DNMT3A: variants seen among roughly 807,000 people sequenced by gnomAD.
The protein encoded by DNMT3A is DNA (cytosine-5)-methyltransferase 3A.
Under a neutral mutation model 117.6 loss-of-function variants are expected in DNMT3A, and 267 were observed. The observed-to-expected ratio is 2.27, with a 90% confidence interval of 2.05 to 2.51. The LOEUF is 2.51. DNMT3A is among the 30% of genes most tolerant of loss of function. The pLI, the probability that DNMT3A is intolerant of heterozygous loss-of-function variation, is 0.00. For missense variants in DNMT3A, 1,029 were observed against 1,260.2 expected (o/e 0.82, Z 2.78); for synonymous variants, 432 against 474.8 (o/e 0.91, Z 1.17).
Position 25,243,922 on chromosome 2 carries a change from A to ACAG in DNMT3A, c.1909_1911dup (p.Leu637dup). On this transcript the variant is annotated inframe_insertion, in exon 16 of 23. Transcript: ENST00000321117. The stretch of plus-strand genomic sequence containing the variant: ...CCTGTAGCGATTCCATCAAAGAGAG[A>ACAG]CAGCACCCGGATGGGCTTCCTCTTC... 6.4e-7 allele frequency: 1 copy of ACAG among 1,552,104 alleles called. No individual in the cohort carries two copies. Among genetic ancestry groups the ACAG allele is most frequent in the Non-Finnish European group, 8.7e-7 (1 of 1,147,112 alleles).
intron 19 of DNMT3A, among the ~76,000 whole-genome samples, chr2:25,240,009 T>C (rs1312326461): frequency 6.6e-6 from 1 of 152,188 alleles, no homozygotes; most frequent in Non-Finnish European, 1.5e-5. Context: ...CCATACAGAA[T>C]ACCCAACCCC....
intron 1 of DNMT3A, among the ~76,000 whole-genome samples, chr2:25,322,848 C>T (rs2034647704): frequency 6.6e-6 from 1 of 152,118 alleles, no homozygotes; most frequent in Non-Finnish European, 1.5e-5. Context: ...CCTCACTCCA[C>T]CAAACACGAT....
At chr2:25,325,029 G>A (rs2034731897) in intron 1 of DNMT3A, among the ~76,000 whole-genome samples, 1 of 152,030 alleles carries the variant, frequency 6.6e-6, no homozygotes, top group South Asian at 2.1e-4. Flanking sequence ...CCACCAGCAG[G>A]AGCACTTATG....
At chr2:25,260,838 A>G (rs1297118552) in intron 6 of DNMT3A, among the ~76,000 whole-genome samples, 1 of 152,150 alleles carries the variant, frequency 6.6e-6, no homozygotes, top group Non-Finnish European at 1.5e-5. Flanking sequence ...GAAGTCAGAA[A>G]GGGCTCCACA....
intron 3 of DNMT3A, among the ~76,000 whole-genome samples, chr2:25,287,733 CCG>C (rs1491245340): frequency 2.0e-5 from 3 of 151,050 alleles, no homozygotes; most frequent in African/African-American, 7.3e-5. Flanking sequence ...GAGGACACCC[CCG>C]CCCCCAACAG....
rs1425809317 is a variant in DNMT3A at position 25,257,500 on chromosome 2, G to C, written c.640-9248C>G. Among the ~76,000 whole-genome samples the C allele has an allele frequency of 6.6e-6, 1 of 152,176 alleles. No homozygotes were observed. The highest frequency in any genetic ancestry group is 1.5e-5 in the Non-Finnish European group (1 of 68,034). Reference sequence around the variant, plus strand: ...CTCTCCTGGCTTCTCTGGAGGGAGAGAAGTGGGGGTCTGGTCTTGGCTTAG... The same window carrying C: ...CTCTCCTGGCTTCTCTGGAGGGAGACAAGTGGGGGTCTGGTCTTGGCTTAG... On this transcript the variant is annotated intron_variant, in intron 6 of 22. Transcript: ENST00000321117. The surrounding 1 kb of genome is among the most constrained non-coding windows in gnomAD (Gnocchi z 4.8).
chr2:25,231,607 C>T lies in DNMT3A; in HGVS notation c.*2672G>A, dbSNP rs1468834992. ...CATTTTTTTTCCCCAATGGAAGCCC[C>T]CTGGCCAAGACAGACCTGGATGTCA... On this transcript the variant is annotated 3_prime_UTR_variant, in exon 23 of 23. Coordinates refer to ENST00000321117, the MANE Select transcript of DNMT3A (RefSeq NM_022552.5). The T allele has an allele frequency of 6.6e-6, 1 of 152,226 alleles. No individual in the cohort carries two copies. The highest frequency in any genetic ancestry group is 1.5e-5 in the Non-Finnish European group (1 of 68,064). The allele number at this position is 152,226 out of a possible 1,614,324, so 9.4% of individuals were successfully genotyped here.
At chr2:25,246,990 C>G (rs560055478) in intron 9 of DNMT3A, 61 bp downstream of exon 9, 1 of 1,573,322 alleles carries the variant, frequency 6.4e-7, no homozygotes, top group African/African-American at 1.4e-5. Context: ...ACCTGCACTC[C>G]AACTTCCAGG....
At chr2:25,338,743 C>A (rs563250401) in intron 1 of DNMT3A, among the ~76,000 whole-genome samples, 1 of 152,168 alleles carries the variant, frequency 6.6e-6, no homozygotes, top group Admixed American at 6.5e-5. Context: ...CATCTTCCCC[C>A]GAGTGCAGGC....
At chr2:25,331,295 C>A (rs772323183) in intron 1 of DNMT3A, among the ~76,000 whole-genome samples, 3 of 152,246 alleles carry the variant, frequency 2.0e-5, no homozygotes, top group Non-Finnish European at 4.4e-5. Flanking sequence ...ACATGGCTCA[C>A]GTCATTTTTT....
At chr2:25,277,906 C>T (rs933320460) in intron 4 of DNMT3A, among the ~76,000 whole-genome samples, 9 of 151,836 alleles carry the variant, frequency 5.9e-5, no homozygotes, top group Admixed American at 5.9e-4. Context: ...CCCCCAAGCT[C>T]CCCAAAACAG....
intron 9 of DNMT3A, 131 bp from the exon 10 acceptor site, chr2:25,246,907 G>T: frequency 6.7e-7 from 1 of 1,498,832 alleles, no homozygotes; most frequent in Non-Finnish European, 9.1e-7. Flanking sequence ...GGAGGAGCGG[G>T]ATGTGCATAC....
At chr2:25,239,266 G>T in intron 19 of DNMT3A, 51 bp from the exon 20 acceptor site, 1 of 1,532,942 alleles carries the variant, frequency 6.5e-7, no homozygotes, top group Non-Finnish European at 9.0e-7. Context: ...GCATGAAACA[G>T]CGCCGGCATG....
At chr2:25,295,905 C>T (rs1037446349) in intron 3 of DNMT3A, among the ~76,000 whole-genome samples, 2 of 152,222 alleles carry the variant, frequency 1.3e-5, no homozygotes, top group Non-Finnish European at 2.9e-5. Context: ...CTCAGTGTGG[C>T]ACAGCTCAGC....
intron 10 of DNMT3A, 140 bp downstream of exon 10, chr2:25,246,480 A>C (rs905913487): frequency 7.0e-7 from 1 of 1,436,978 alleles, no homozygotes; most frequent in East Asian, 2.3e-5. Context: ...TCCTGACCCC[A>C]GGGCAAGAGA....
chr2:25,270,327 A>G (rs2030756517), intron 6 of DNMT3A, among the ~76,000 whole-genome samples: 2 of 152,178 alleles, frequency 1.3e-5, no homozygotes, highest in South Asian at 4.1e-4. Flanking sequence ...CGCCCCATTC[A>G]GGGCAGCTCT....
Position 25,252,242 on chromosome 2 carries a change from G to A in DNMT3A, c.640-3990C>T, listed in dbSNP as rs1323218143. ...CTGCAGTCGCGCTCAGGTGTGAGCC[G>A]CGGCCCTGAAGCTCTGGAAGTAGCT... On this transcript the variant is annotated intron_variant, in intron 6 of 22. Coordinates refer to ENST00000321117, the MANE Select transcript of DNMT3A (RefSeq NM_022552.5). The surrounding 1 kb of genome is among the most constrained non-coding windows in gnomAD (Gnocchi z 5.5). 6 of 1,522,188 alleles carry A rather than the reference G, an allele frequency of 3.9e-6. No individual in the cohort carries two copies. The highest frequency in any genetic ancestry group is 5.3e-6 in the Non-Finnish European group (6 of 1,134,396). The allele number at this position is 1,522,188 out of a possible 1,614,324, so 94.3% of individuals were successfully genotyped here. A position where few individuals can be genotyped will look rare whatever the true frequency, so the allele number is the denominator to read the frequency against.
chr2:25,246,976 C>A (rs1674875054), intron 9 of DNMT3A, 75 bp downstream of exon 9: 2 of 1,547,652 alleles, frequency 1.3e-6, no homozygotes, highest in Non-Finnish European at 1.8e-6. Context: ...TCTGCTCAAG[C>A]CCGACCTGCA....
chr2:25,281,840 A>G lies in DNMT3A; in HGVS notation c.448+601T>C, dbSNP rs2031903908. 9.4e-7 allele frequency: 1 copy of G among 1,068,072 alleles called. No individual in the cohort carries two copies. Among genetic ancestry groups the G allele is most frequent in the South Asian group, 4.5e-5 (1 of 22,150 alleles). The allele number at this position is 1,068,072 out of a possible 1,614,324, so 66.2% of individuals were successfully genotyped here. ...GAGGCCTGGGCTGGGCAGTACACAG[A>G]ATACAATCACCCAGCCCTCTCCCCA... On this transcript the variant is annotated intron_variant, in intron 4 of 22. Coordinates refer to ENST00000321117, the MANE Select transcript of DNMT3A (RefSeq NM_022552.5). This position sits in a 1 kb window ranked among gnomAD's most constrained non-coding sequence, Gnocchi z 4.8.
Sources: allele counts gnomAD v4.1 joint callset (sites outside exome capture counted in the v4.1 genomes callset), GRCh38; gene constraint gnomAD v4.1.1; non-coding constraint Gnocchi (gnomAD v3.1); transcripts MANE v1.5; gene names NCBI Gene and HGNC (gene_info 2026-07-23, HGNC 2026-07-21).